ZNF385D: variants seen among roughly 807,000 people sequenced by gnomAD.
The protein encoded by ZNF385D is zinc finger protein 659.
A neutral mutation model predicts 35.8 loss-of-function variants in ZNF385D; 15 were observed. The observed-to-expected ratio is 0.42, with a 90% CI of 0.28 to 0.64. ZNF385D has a LOEUF of 0.64. ZNF385D is among the 30% of genes least tolerant of loss of function. The probability of loss-of-function intolerance (pLI) is 0.23; values close to 1 mark genes in which losing one functional copy is unlikely to be tolerated. For missense variants in ZNF385D, 474 were observed against 494.6 expected (o/e 0.96, Z 0.39); for synonymous variants, 212 against 186.8 (o/e 1.13, Z -1.10).
At chr3:21,428,062 T>A in intron 5 of ZNF385D, among the ~76,000 whole-genome samples, 1 of 152,140 alleles carries the variant, frequency 6.6e-6, no homozygotes, top group South Asian at 2.1e-4. Flanking sequence ...CAATAACTAT[T>A]AGATAGTTTT....
chr3:22,289,946 TGAAA>T (rs1243297165), intron 2 of ZNF385D, among the ~76,000 whole-genome samples: 1 of 152,138 alleles, frequency 6.6e-6, no homozygotes, highest in Admixed American at 6.6e-5. Context: ...CAGCAGCAGT[TGAAA>T]GAGTTTGTGG....
intron 3 of ZNF385D, among the ~76,000 whole-genome samples, chr3:22,109,851 A>T (rs1328142295): frequency 2.6e-5 from 4 of 152,338 alleles, no homozygotes; most frequent in African/African-American, 9.6e-5. Context: ...AGCGTACAGA[A>T]TGGGAGAAAA....
intron 4 of ZNF385D, among the ~76,000 whole-genome samples, chr3:21,479,319 A>C (rs1020031789): frequency 2.0e-5 from 3 of 151,948 alleles, no homozygotes; most frequent in African/African-American, 7.2e-5. Flanking sequence ...CTCAGAACTG[A>C]TCCATAATTT....
At chr3:21,868,618 G>A (rs944759177) in intron 3 of ZNF385D, among the ~76,000 whole-genome samples, 3 of 152,102 alleles carry the variant, frequency 2.0e-5, no homozygotes, top group Non-Finnish European at 4.4e-5. Context: ...GTGCTGGTCA[G>A]CTGAGACACT....
intron 3 of ZNF385D, among the ~76,000 whole-genome samples, chr3:22,019,034 C>CTTTTTTTTTTTTTTTTTTTTTTTTTTTT (rs11380195): frequency 4.7e-5 from 3 of 64,458 alleles, no homozygotes; most frequent in Non-Finnish European, 5.6e-5. Flanking sequence ...AGTTATTTAC[C>CTTTTTTTTTTTTTTTTTTTTTTTTTTTT]TTTTTTTTTT....
At chr3:22,182,005 G>A (rs1050357849) in intron 2 of ZNF385D, among the ~76,000 whole-genome samples, 1 of 152,022 alleles carries the variant, frequency 6.6e-6, no homozygotes, top group African/African-American at 2.4e-5. Context: ...TATGAGTGAG[G>A]AGGTGGTTCC....
At chr3:22,257,535 T>C (rs1279393644) in intron 2 of ZNF385D, among the ~76,000 whole-genome samples, 1 of 151,808 alleles carries the variant, frequency 6.6e-6, no homozygotes, top group East Asian at 1.9e-4. Flanking sequence ...ATAGGTTTTC[T>C]CCAGAATTTC....
At chr3:21,750,525 T>C (rs78814729) in intron 1 of ZNF385D, among the ~76,000 whole-genome samples, 29 of 152,254 alleles carry the variant, frequency 1.9e-4, no homozygotes, top group African/African-American at 7.0e-4. Flanking sequence ...ACAGCATCAA[T>C]TGTATAGAAA....
rs576599988 is a variant in ZNF385D, at chr3:21,909,110, C to T, written c.326-244082G>A. Among the ~76,000 whole-genome samples, 2 of 152,098 alleles carry T rather than the reference C, an allele frequency of 1.3e-5. 1 individual carries two copies. The highest frequency in any genetic ancestry group is 4.1e-4 in the South Asian group (2 of 4,828). On this transcript the variant is annotated intron_variant, in intron 3 of 5. Transcript: ENST00000494108. ...TCATTGATAGCACTAGGGTTGAAAA[C>T]ACAGATGTTCAATTTCTTTAAATAA...
At chr3:21,535,848 GC>G (rs2125546474) in intron 3 of ZNF385D, among the ~76,000 whole-genome samples, 1 of 152,044 alleles carries the variant, frequency 6.6e-6, no homozygotes, top group East Asian at 1.9e-4. Context: ...TCTAGGTCTT[GC>G]TTTCCTCTGA....
intron 1 of ZNF385D, among the ~76,000 whole-genome samples, chr3:21,721,948 A>C (rs973246725): frequency 6.6e-6 from 1 of 152,058 alleles, no homozygotes; most frequent in Non-Finnish European, 1.5e-5. Flanking sequence ...AAAATACACA[A>C]AATTAACTGG....
intron 3 of ZNF385D, among the ~76,000 whole-genome samples, chr3:21,762,487 T>C (rs1334756612): frequency 2.0e-5 from 3 of 152,180 alleles, no homozygotes; most frequent in Admixed American, 1.3e-4. Flanking sequence ...TAGTGACTAC[T>C]TTCCTTAGGC....
intron 2 of ZNF385D, among the ~76,000 whole-genome samples, chr3:21,589,100 T>C (rs1575263099): frequency 1.3e-5 from 2 of 152,088 alleles, no homozygotes; most frequent in African/African-American, 4.8e-5. Flanking sequence ...CACAAGAGTA[T>C]TGGAAAAAAT....
At chr3:21,821,802 T>TA (rs1694250248) in intron 3 of ZNF385D, among the ~76,000 whole-genome samples, 1 of 151,450 alleles carries the variant, frequency 6.6e-6, no homozygotes. Flanking sequence ...CTCTACAAAA[T>TA]TTTTTTTAAA....
intron 3 of ZNF385D, among the ~76,000 whole-genome samples, chr3:21,910,964 A>G (rs556895424): frequency 6.6e-6 from 1 of 152,104 alleles, no homozygotes; most frequent in African/African-American, 2.4e-5. Context: ...AATTAGATGA[A>G]AAACTACATA....
At chr3:21,705,845 C>G (rs2067878561) in intron 1 of ZNF385D, among the ~76,000 whole-genome samples, 1 of 152,154 alleles carries the variant, frequency 6.6e-6, no homozygotes, top group South Asian at 2.1e-4. Context: ...TCTGGACTGT[C>G]CCTTGCTTCC....
At chr3:21,459,252 T>C (rs2125307038) in intron 4 of ZNF385D, 1 of 152,314 alleles carries the variant, frequency 6.6e-6, no homozygotes, top group East Asian at 1.9e-4. Flanking sequence ...TGATTCCTTC[T>C]CTTTAGGCTT....
intron 3 of ZNF385D, among the ~76,000 whole-genome samples, chr3:21,944,199 G>A (rs521724): frequency 0.26 from 39,561 of 152,072 alleles, 5,848 homozygotes; most frequent in Admixed American, 0.41. Flanking sequence ...TTCTGCTAAT[G>A]AAAAGAGAGC....
chr3:22,180,226 A>G (rs554589250), intron 2 of ZNF385D, among the ~76,000 whole-genome samples: 1 of 152,352 alleles, frequency 6.6e-6, no homozygotes, highest in East Asian at 1.9e-4. Flanking sequence ...CCCTCCGAAG[A>G]CTAAACCAGG....
Sources: gnomAD v4.1 joint callset for allele counts (sites outside exome capture counted in the v4.1 genomes callset) on GRCh38, gnomAD v4.1.1 for gene constraint, MANE v1.5 for transcripts, NCBI Gene and HGNC (gene_info 2026-07-23, HGNC 2026-07-21) for gene names.